The following CPM variants were observed in gnomAD, a reference collection of about 807,000 sequenced individuals.
The protein encoded by CPM is carboxypeptidase M, also known as renal carboxypeptidase.
A neutral mutation model predicts 46.4 loss-of-function variants in CPM; 35 were observed. That is an observed-to-expected ratio of 0.75 (90% CI 0.58 to 1.00). The LOEUF (loss-of-function observed/expected upper bound fraction) is 1.00. Among genes scored for constraint, CPM ranks in the 50% least tolerant of loss-of-function variants. The pLI, the probability that CPM is intolerant of heterozygous loss-of-function variation, is 0.00. For missense variants in CPM, 422 were observed against 530.4 expected, an observed-to-expected ratio of 0.80 and a Z score of 2.01; for synonymous variants, 195 against 195.3, an observed-to-expected ratio of 1.00 and a Z score of 0.01.
At chr12:68,941,314 G>T (rs902194842) in intron 1 of CPM, among the ~76,000 whole-genome samples, 2 of 151,930 alleles carry the variant, frequency 1.3e-5, no homozygotes, top group Non-Finnish European at 2.9e-5. Flanking sequence ...AGCATCAAAT[G>T]GTCGCTCAGA....
At chr12:68,958,770 C>G (rs1889066064) in intron 1 of CPM, among the ~76,000 whole-genome samples, 1 of 152,136 alleles carries the variant, frequency 6.6e-6, no homozygotes, top group Non-Finnish European at 1.5e-5. Context: ...GAATCAAACC[C>G]AAAGCCTCTT....
At chr12:68,894,588 T>G (rs2136268882) in intron 2 of CPM, among the ~76,000 whole-genome samples, 1 of 152,338 alleles carries the variant, frequency 6.6e-6, no homozygotes, top group Middle Eastern at 3.4e-3. Context: ...TTTTCTGCCT[T>G]TTAAAATCCT....
At chr12:68,856,710 T>G in intron 8 of CPM, 31 bp from the exon 9 acceptor site, 1 of 1,604,088 alleles carries the variant, frequency 6.2e-7, no homozygotes, top group South Asian at 1.1e-5. Flanking sequence ...ATTATATGAG[T>G]GACTTAAGAT....
intron 2 of CPM, among the ~76,000 whole-genome samples, chr12:68,932,309 TA>T (rs1483266669): frequency 5.9e-5 from 9 of 152,156 alleles, no homozygotes. Context: ...AAGTCATATA[TA>T]AAGAAGCCCA....
intron 6 of CPM, among the ~76,000 whole-genome samples, chr12:68,867,874 C>T (rs1208468112): frequency 2.6e-5 from 4 of 152,222 alleles, no homozygotes; most frequent in Non-Finnish European, 4.4e-5. Context: ...CATTATGGAT[C>T]CCTAGCAGAT....
intron 2 of CPM, among the ~76,000 whole-genome samples, chr12:68,887,928 C>A (rs1886505982): frequency 6.6e-6 from 1 of 152,160 alleles, no homozygotes; most frequent in African/African-American, 2.4e-5. Flanking sequence ...TGGTGATTCC[C>A]CATCAGAAGC....
At chr12:68,849,141 C>T (rs1884528423), downstream of CPM, 2 of 144,140 alleles carry the variant, frequency 1.4e-5, no homozygotes. Context: ...CCAGACTAGA[C>T]TGAAGTGGCG....
intron 3 of CPM, among the ~76,000 whole-genome samples, chr12:68,878,535 A>G (rs1210886310): frequency 6.6e-6 from 1 of 152,158 alleles, no homozygotes; most frequent in East Asian, 1.9e-4. Flanking sequence ...GCACAAGAGG[A>G]CAGCTTTGAC....
chr12:68,867,509 T>C (rs1204274882), intron 6 of CPM, among the ~76,000 whole-genome samples: 1 of 152,236 alleles, frequency 6.6e-6, no homozygotes, highest in Admixed American at 6.5e-5. Flanking sequence ...CAACATTCAC[T>C]ATTGCCAGGT....
chr12:68,900,433 G>T (rs2136277288), intron 2 of CPM, among the ~76,000 whole-genome samples: 1 of 152,270 alleles, frequency 6.6e-6, no homozygotes, highest in East Asian at 1.9e-4. Context: ...ATTCATTGCT[G>T]GTGGGAATGC....
Position 68,884,164 on chromosome 12 carries a change from G to A in CPM, c.258+1628C>T, listed in dbSNP as rs903731011. On this transcript the variant is annotated intron_variant, in intron 3 of 8. Transcript: ENST00000551568. Reference sequence around the variant, plus strand: ...TGAGGGACCTTGATCAAGGGACCTCGATCAATAGACAAGATAGCAAAAGGG... The same window carrying A: ...TGAGGGACCTTGATCAAGGGACCTCAATCAATAGACAAGATAGCAAAAGGG... Among the ~76,000 whole-genome samples the A allele has an allele frequency of 1.2e-4, 18 of 146,532 alleles. 1 individual carries two copies. Among genetic ancestry groups the A allele is most frequent in the Admixed American group, 1.4e-4 (2 of 14,602 alleles).
In CPM at chr12:68,896,196, C is replaced by T. The variant is rs144007638; in HGVS notation, c.161-10307G>A. On this transcript the variant is annotated intron_variant, in intron 2 of 8. Transcript: ENST00000551568. Reference sequence around the variant, plus strand: ...TAGTCCTTAGCCCACCCCATCAAAGCGGCCAACCTCCCCTTGCCTTTTCAA... The same window carrying T: ...TAGTCCTTAGCCCACCCCATCAAAGTGGCCAACCTCCCCTTGCCTTTTCAA... 7.9e-5 allele frequency among the ~76,000 whole-genome samples: 12 copies of T among 152,246 alleles called. No homozygotes were observed. In the East Asian group the frequency reaches 2.1e-3, roughly 27 times the overall value.
At chr12:68,946,739 T>C (rs543555469) in intron 1 of CPM, among the ~76,000 whole-genome samples, 1 of 152,330 alleles carries the variant, frequency 6.6e-6, no homozygotes, top group South Asian at 2.1e-4. Flanking sequence ...AACAGATGCT[T>C]ACTGAACTTA....
chr12:68,846,931 C>T (rs937102362), downstream of CPM: 1 of 151,660 alleles, frequency 6.6e-6, no homozygotes, highest in African/African-American at 2.4e-5. Flanking sequence ...CGACCATAAT[C>T]ACCCCAAATC....
intron 7 of CPM, among the ~76,000 whole-genome samples, chr12:68,860,484 G>A (rs1885161453): frequency 6.6e-6 from 1 of 151,934 alleles, no homozygotes; most frequent in Non-Finnish European, 1.5e-5. Flanking sequence ...TTGTAGAGAT[G>A]GGGTTTCACC....
At chr12:68,901,216 A>G (rs560115140) in intron 2 of CPM, among the ~76,000 whole-genome samples, 1 of 152,338 alleles carries the variant, frequency 6.6e-6, no homozygotes, top group South Asian at 2.1e-4. Flanking sequence ...TGCTCTAAGA[A>G]AATAAAGTCT....
chr12:68,863,222 G>T (rs1885286102), intron 7 of CPM, among the ~76,000 whole-genome samples: 1 of 152,152 alleles, frequency 6.6e-6, no homozygotes, highest in African/African-American at 2.4e-5. Flanking sequence ...TTATGCCCAG[G>T]TTGCTTAGGT....
At position 68,843,374 on chromosome 12, in the gene CPM, C is replaced by T. The variant is rs1301202134; in HGVS notation, c.534-1045G>A. On this transcript the variant is annotated intron_variant, in intron 5 of 5. Coordinates refer to the CPM transcript ENST00000551897. ...TTGCTACAAATAAATGATATTTGAG[C>T]TGATGGGTGTGCTAATTACACTGAT... The T allele has an allele frequency of 1.7e-5, 4 of 230,482 alleles. No individual in the cohort carries two copies. The East Asian group carries it at 2.5e-4, about 14-fold the overall frequency. The allele number at this position is 230,482 out of a possible 1,614,324, so 14.3% of individuals were successfully genotyped here. A position where few individuals can be genotyped will look rare whatever the true frequency, so the allele number is the denominator to read the frequency against.
chr12:68,935,266 GTTTGTTTGTTTT>G (rs1467259467), upstream of CPM, among the ~76,000 whole-genome samples: 6 of 141,950 alleles, frequency 4.2e-5, no homozygotes, highest in East Asian at 1.2e-3. Context: ...TTGTTTGTTT[GTTTGTTTGTTTT>G]GAGATACAGT....
Sources: allele counts gnomAD v4.1 joint callset (sites outside exome capture counted in the v4.1 genomes callset), GRCh38; gene constraint gnomAD v4.1.1; transcripts MANE v1.5; gene names NCBI Gene and HGNC (gene_info 2026-07-23, HGNC 2026-07-21).